SPRY3: variants seen among roughly 807,000 people sequenced by gnomAD.
The protein encoded by SPRY3 is sprouty RTK signaling antagonist 3, also known as protein sprouty homolog 3.
A neutral mutation model predicts 20.2 loss-of-function variants in SPRY3; 15 were observed. That is an observed-to-expected ratio of 0.74 (90% CI 0.50 to 1.14). The LOEUF (loss-of-function observed/expected upper bound fraction) is 1.14. SPRY3 is among the 50% of genes most tolerant of loss of function. SPRY3 has a pLI of 0.00. For synonymous variants in SPRY3, 143 were observed against 136.5 expected (o/e 1.05, Z -0.33); for missense variants, 364 against 363.9 (o/e 1.00, Z 0.00).
intron 2 of SPRY3, among the ~76,000 whole-genome samples, chrX:155,668,783 A>G (rs1246126356): frequency 9.1e-6 from 1 of 109,984 alleles, no homozygotes; most frequent in East Asian, 2.8e-4. Context: ...CGCTTAGGCC[A>G]ATCTTATAGG....
chrX:155,708,534 C>T (rs146623689), intron 2 of SPRY3, among the ~76,000 whole-genome samples: 5 of 151,388 alleles, frequency 3.3e-5, no homozygotes, highest in East Asian at 3.9e-4. Context: ...GCTTCTTTGA[C>T]GTGTAGATTA....
chrX:155,666,219 C>G (rs2068024120), intron 2 of SPRY3, among the ~76,000 whole-genome samples: 1 of 111,204 alleles, frequency 9.0e-6, no homozygotes, highest in South Asian at 3.8e-4. Context: ...GAGATTAGGG[C>G]ACAGAAGTAG....
downstream of SPRY3, chrX:155,778,045 T>C (rs1360030444): frequency 6.0e-6 from 1 of 166,992 alleles, no homozygotes; most frequent in Non-Finnish European, 1.5e-5. Flanking sequence ...ACAACATAGG[T>C]ATCATTCCAA....
At chrX:155,718,306 CA>C (rs1231453334) in intron 2 of SPRY3, among the ~76,000 whole-genome samples, 1 of 151,758 alleles carries the variant, frequency 6.6e-6, no homozygotes, top group East Asian at 1.9e-4. Context: ...AAAATCTTGA[CA>C]AAAAAAGATT....
intron 2 of SPRY3, among the ~76,000 whole-genome samples, chrX:155,765,864 G>T (rs761854956): frequency 5.9e-5 from 9 of 152,268 alleles, no homozygotes; most frequent in African/African-American, 2.2e-4. Context: ...CTATTCATGG[G>T]GTGCTTGCTA....
chrX:155,760,824 C>G (rs1204915496), intron 2 of SPRY3, among the ~76,000 whole-genome samples: 2 of 152,068 alleles, frequency 1.3e-5, no homozygotes, highest in African/African-American at 4.8e-5. Context: ...GGCCACTCAC[C>G]TCTTGCTGTG....
intron 2 of SPRY3, among the ~76,000 whole-genome samples, chrX:155,735,543 A>C (rs73641131): frequency 0.041 from 6,291 of 151,876 alleles, 48 homozygotes; most frequent in African/African-American, 0.15. Context: ...TAGAGAATTG[A>C]CCCCTTTATT....
chrX:155,779,455 A>C (rs1464856350), downstream of SPRY3: 4 of 166,976 alleles, frequency 2.4e-5, no homozygotes, highest in Non-Finnish European at 5.9e-5. Flanking sequence ...TTTATTCTCT[A>C]GCTTGCTTTA....
At position 155,738,611 on chromosome X, in the gene SPRY3, G is replaced by A. The variant is rs189968122; in HGVS notation, c.-281-29351G>A. ...TGGGGTGATGGCCCACCCAGAAGTGGTACAGAGCCAGGACAGCCCCACCCC... is the reference window on the plus strand; with the variant it reads ...TGGGGTGATGGCCCACCCAGAAGTGATACAGAGCCAGGACAGCCCCACCCC... On this transcript the variant is annotated intron_variant, in intron 2 of 3. Coordinates refer to ENST00000675360, the Ensembl canonical transcript of SPRY3. 3.6e-3 allele frequency among the ~76,000 whole-genome samples: 550 copies of A among 152,218 alleles called. 1 individual carries two copies. The highest frequency in any genetic ancestry group is 0.013 in the African/African-American group (520 of 41,530).
intron 2 of SPRY3, among the ~76,000 whole-genome samples, chrX:155,752,736 A>T (rs2091269271): frequency 6.6e-6 from 1 of 151,884 alleles, no homozygotes; most frequent in Non-Finnish European, 1.5e-5. Context: ...AAGGTTGAGA[A>T]ATTTGATAAT....
intron 2 of SPRY3, among the ~76,000 whole-genome samples, chrX:155,686,155 A>T (rs2068087222): frequency 9.0e-6 from 1 of 110,533 alleles, no homozygotes; most frequent in Non-Finnish European, 1.9e-5. Context: ...TTCTTTGCTG[A>T]TACCTTCTTT....
intron 1 of SPRY3, among the ~76,000 whole-genome samples, chrX:155,631,800 A>C (rs1322075491): frequency 2.7e-5 from 3 of 111,175 alleles, no homozygotes; most frequent in African/African-American, 9.8e-5. Context: ...TTGTGGGTAC[A>C]TAGTTGGTGT....
intron 2 of SPRY3, among the ~76,000 whole-genome samples, chrX:155,751,482 T>G (rs2091261740): frequency 6.6e-6 from 1 of 151,876 alleles, no homozygotes. Flanking sequence ...TCTGCATGGC[T>G]TCAATTCTGA....
intron 1 of SPRY3, among the ~76,000 whole-genome samples, chrX:155,655,762 T>A (rs1306891998): frequency 8.9e-6 from 1 of 111,931 alleles, no homozygotes; most frequent in Non-Finnish European, 1.9e-5. Flanking sequence ...CTTTCCATAT[T>A]TAGTGCTTCC....
intron 2 of SPRY3, among the ~76,000 whole-genome samples, chrX:155,722,189 A>C (rs1452136341): frequency 6.6e-6 from 1 of 152,188 alleles, no homozygotes; most frequent in Non-Finnish European, 1.5e-5. Flanking sequence ...TACAAGTCTC[A>C]TGGTAACCTG....
chrX:155,753,055 TAAAC>T (rs2091270221), intron 2 of SPRY3, among the ~76,000 whole-genome samples: 1 of 151,922 alleles, frequency 6.6e-6, no homozygotes, highest in Non-Finnish European at 1.5e-5. Context: ...GCATGAGGAC[TAAAC>T]AGTCTCCCAA....
At chrX:155,770,395 T>C (rs2091373443) in intron 3 of SPRY3, among the ~76,000 whole-genome samples, 1 of 152,150 alleles carries the variant, frequency 6.6e-6, no homozygotes, top group Admixed American at 6.5e-5. Context: ...AGTCCCTAAA[T>C]TGGCATAAGA....
At chrX:155,741,755 A>T (rs190352243) in intron 2 of SPRY3, among the ~76,000 whole-genome samples, 1 of 152,162 alleles carries the variant, frequency 6.6e-6, no homozygotes, top group African/African-American at 2.4e-5. Flanking sequence ...GAGCTTCATA[A>T]GCAAAAGAGA....
intron 2 of SPRY3, among the ~76,000 whole-genome samples, chrX:155,670,867 G>A (rs183546506): frequency 8.9e-6 from 1 of 111,806 alleles, no homozygotes; most frequent in African/African-American, 3.2e-5. Context: ...CCCATACTAC[G>A]ATAGTGGCCT....
Sources: allele counts gnomAD v4.1 joint callset (sites outside exome capture counted in the v4.1 genomes callset), GRCh38; gene constraint gnomAD v4.1.1; transcripts MANE v1.5; gene names NCBI Gene and HGNC (gene_info 2026-07-23, HGNC 2026-07-21).